SORCS2: variants seen among roughly 807,000 people sequenced by gnomAD.
SORCS2 encodes the protein sortilin related VPS10 domain containing receptor 2, also known as VPS10 domain-containing receptor SorCS2.
SORCS2 carries 100 observed loss-of-function variants against 141.6 expected under a neutral mutation model. The ratio of observed to expected loss-of-function variants is 0.71; its 90% CI spans 0.60 to 0.83. SORCS2 has a LOEUF of 0.83. Ranked by LOEUF, SORCS2 falls within the 40% of genes least tolerant of loss-of-function variation. The pLI is 0.00. For synonymous variants in SORCS2, 789 were observed against 676.9 expected (o/e 1.17, Z -2.57); for missense variants, 1,646 against 1,560.2 (o/e 1.05, Z -0.93).
chr4:7,468,912 C>T (rs1468083083), intron 2 of SORCS2, among the ~76,000 whole-genome samples: 2 of 152,188 alleles, frequency 1.3e-5, no homozygotes, highest in East Asian at 3.8e-4. Context: ...CATCTGGTGG[C>T]CGTGTGACCT....
chr4:7,579,517 A>G (rs762809512), intron 3 of SORCS2, among the ~76,000 whole-genome samples: 1 of 151,596 alleles, frequency 6.6e-6, no homozygotes, highest in Admixed American at 6.6e-5. Flanking sequence ...CAGGACTGGA[A>G]CCCTCCCCTT....
At chr4:7,198,343 C>T (rs10033224) in intron 1 of SORCS2, among the ~76,000 whole-genome samples, 1 of 152,192 alleles carries the variant, frequency 6.6e-6, no homozygotes, top group Non-Finnish European at 1.5e-5. Context: ...CTTGAAGCCT[C>T]GTGTCCGATG....
At chr4:7,451,056 GTGAA>G (rs761491463) in intron 2 of SORCS2, among the ~76,000 whole-genome samples, 27 of 152,162 alleles carry the variant, frequency 1.8e-4, no homozygotes, top group Admixed American at 6.5e-4. Context: ...GAGTGAATAA[GTGAA>G]TGGATGGGAG....
chr4:7,318,914 C>A (rs1577393553), intron 1 of SORCS2, among the ~76,000 whole-genome samples: 1 of 152,214 alleles, frequency 6.6e-6, no homozygotes, highest in South Asian at 2.1e-4. Flanking sequence ...TAATCTCTGA[C>A]AACTACCGAT....
At chr4:7,561,114 G>A (rs1225568716) in intron 3 of SORCS2, among the ~76,000 whole-genome samples, 2 of 152,106 alleles carry the variant, frequency 1.3e-5, no homozygotes, top group African/African-American at 4.8e-5. Context: ...TCAGAAGCTG[G>A]GTGTCATTCA....
intron 1 of SORCS2, among the ~76,000 whole-genome samples, chr4:7,384,715 G>C (rs138492729): frequency 6.6e-6 from 1 of 152,138 alleles, no homozygotes; most frequent in African/African-American, 2.4e-5. Context: ...CACTGTGCCG[G>C]TTGCTCCCTC....
At chr4:7,200,196 C>T (rs929562313) in intron 1 of SORCS2, among the ~76,000 whole-genome samples, 3 of 152,160 alleles carry the variant, frequency 2.0e-5, no homozygotes, top group Non-Finnish European at 2.9e-5. Context: ...GAAGCGGGAC[C>T]ACCAGGGGCC....
chr4:7,215,949 G>C (rs57663222), intron 1 of SORCS2, among the ~76,000 whole-genome samples: 3 of 150,838 alleles, frequency 2.0e-5, no homozygotes, highest in African/African-American at 4.9e-5. Context: ...GCAGGCTGCC[G>C]GAGCCAGCAG....
chr4:7,415,906 T>C (rs1330764069), intron 2 of SORCS2, among the ~76,000 whole-genome samples: 2 of 152,192 alleles, frequency 1.3e-5, no homozygotes, highest in African/African-American at 4.8e-5. Flanking sequence ...AAGAGGGCAA[T>C]TGGGCATTTC....
intron 3 of SORCS2, among the ~76,000 whole-genome samples, chr4:7,604,724 G>A (rs561891413): frequency 6.6e-6 from 1 of 152,312 alleles, no homozygotes; most frequent in African/African-American, 2.4e-5. Context: ...GGCCTGCCCA[G>A]CCATGCAGAA....
intron 3 of SORCS2, among the ~76,000 whole-genome samples, chr4:7,563,182 G>A (rs1313495243): frequency 9.9e-5 from 15 of 152,178 alleles, no homozygotes; most frequent in South Asian, 8.3e-4. Context: ...AAAAGGAGAA[G>A]GTCCCACACC....
intron 2 of SORCS2, among the ~76,000 whole-genome samples, chr4:7,486,378 C>T (rs1366132112): frequency 1.3e-5 from 2 of 152,252 alleles, no homozygotes; most frequent in Non-Finnish European, 2.9e-5. Flanking sequence ...GGTCTTCCAG[C>T]CTCCACCACA....
chr4:7,434,820 G>T, intron 2 of SORCS2: 1 of 1,602,480 alleles, frequency 6.2e-7, no homozygotes, highest in South Asian at 1.1e-5. Context: ...GGGGGCCTGA[G>T]GTGGGGCTGG....
At chr4:7,574,882 C>T (rs982660853) in intron 3 of SORCS2, among the ~76,000 whole-genome samples, 4 of 152,196 alleles carry the variant, frequency 2.6e-5, no homozygotes, top group Non-Finnish European at 5.9e-5. Flanking sequence ...GTTAGCCCAG[C>T]TCCTCTTTAC....
chr4:7,354,647 G>A (rs1560213707), intron 1 of SORCS2, among the ~76,000 whole-genome samples: 2 of 152,160 alleles, frequency 1.3e-5, no homozygotes, highest in Non-Finnish European at 2.9e-5. Flanking sequence ...ACCAAATCGG[G>A]GAAGGGCACT....
chr4:7,541,801 C>T lies in SORCS2; in HGVS notation c.648+10172C>T, dbSNP rs567206325. Among the ~76,000 whole-genome samples the T allele has an allele frequency of 2.6e-5, 4 of 152,270 alleles. No homozygotes were observed. The South Asian group carries it at 6.2e-4, about 24-fold the overall frequency. ...AGCCTTAAACATGCAGCACACGGGGCGTGTGGACATGATGGTGCAGCTACA... is the reference window on the plus strand; with the variant it reads ...AGCCTTAAACATGCAGCACACGGGGTGTGTGGACATGATGGTGCAGCTACA... On this transcript the variant is annotated intron_variant, in intron 3 of 26. Coordinates refer to ENST00000507866, the MANE Select transcript of SORCS2 (RefSeq NM_020777.3).
chr4:7,373,438 T>TATTGA (rs1722386407), intron 1 of SORCS2, among the ~76,000 whole-genome samples: 1 of 138,260 alleles, frequency 7.2e-6, no homozygotes, highest in Non-Finnish European at 1.5e-5. Context: ...GTCTTTGTTG[T>TATTGA]ATTGAATTGT....
At chr4:7,682,256 C>T (rs1317658936) in intron 9 of SORCS2, among the ~76,000 whole-genome samples, 1 of 152,126 alleles carries the variant, frequency 6.6e-6, no homozygotes, top group East Asian at 1.9e-4. Context: ...TGTCTTCATT[C>T]CTTGGCATGT....
chr4:7,468,837 T>A (rs979355627), intron 2 of SORCS2, among the ~76,000 whole-genome samples: 12 of 152,350 alleles, frequency 7.9e-5, no homozygotes, highest in African/African-American at 2.9e-4. Context: ...GCATTTGATC[T>A]TCCCCTTCCT....
Sources: gnomAD v4.1 joint callset for allele counts (sites outside exome capture counted in the v4.1 genomes callset) on GRCh38, gnomAD v4.1.1 for gene constraint, MANE v1.5 for transcripts, NCBI Gene and HGNC (gene_info 2026-07-23, HGNC 2026-07-21) for gene names.